Variants in BLTP1 observed in about 807,000 individuals in gnomAD.
The protein encoded by BLTP1 is bridge-like lipid transfer protein family member 1.
At chr4:122,230,247 G>C in the BLTP1 span, 17 of 1,563,628 alleles carry the variant, frequency 1.1e-5, no homozygotes, top group Non-Finnish European at 1.5e-5. Flanking sequence ...GTAGTCTCCT[G>C]TTCAGATGAA....
At chr4:122,238,022 G>A in the BLTP1 span, 3 of 1,396,578 alleles carry the variant, frequency 2.1e-6, no homozygotes, top group South Asian at 1.5e-5. Flanking sequence ...AAATGGATTA[G>A]ATTGCCATGT....
chr4:122,215,528 A>G, the BLTP1 span: 21 of 985,410 alleles, frequency 2.1e-5, no homozygotes, highest in East Asian at 2.3e-3. Flanking sequence ...GGGGCCATTT[A>G]CAGATGGAAG....
At chr4:122,207,514 C>CTTTTTTTTTTTT in the BLTP1 span, 630 of 1,286,788 alleles carry the variant, frequency 4.9e-4, 2 homozygotes, top group South Asian at 2.3e-3. Context: ...ACTTTTTCTT[C>CTTTTTTTTTTTT]TTTTTTTTTT....
At chr4:122,316,491 C>A in the BLTP1 span, 22 of 513,320 alleles carry the variant, frequency 4.3e-5, no homozygotes, top group Non-Finnish European at 7.0e-5. Flanking sequence ...AGATGTGGGG[C>A]TCCCCTCAGT....
At chr4:122,234,735 A>ATGT in the BLTP1 span, 1 of 1,536,182 alleles carries the variant, frequency 6.5e-7, no homozygotes, top group Non-Finnish European at 8.7e-7. Flanking sequence ...GATTTTTTTT[A>ATGT]TGTTGTTGTT....
the BLTP1 span, chr4:122,207,660 AT>A: frequency 6.6e-7 from 1 of 1,511,864 alleles, no homozygotes; most frequent in Non-Finnish European, 9.2e-7. Flanking sequence ...TGAATGCATT[AT>A]TTATTCCACA....
the BLTP1 span, chr4:122,207,733 C>A: frequency 9.1e-7 from 1 of 1,099,030 alleles, no homozygotes; most frequent in Non-Finnish European, 1.3e-6. Flanking sequence ...CAGTCCATTG[C>A]AACTTCAAAG....
At chr4:122,260,768 A>C in the BLTP1 span, among the ~76,000 whole-genome samples, 296 of 152,172 alleles carry the variant, frequency 1.9e-3, no homozygotes, top group African/African-American at 6.8e-3. Context: ...TGATGAGTCT[A>C]AGAACGTTCT....
At chr4:122,346,134 C>G in the BLTP1 span, 1 of 360,760 alleles carries the variant, frequency 2.8e-6, no homozygotes. Flanking sequence ...AATAGAAGAG[C>G]ACATACAACA....
chr4:122,211,751 T>C, the BLTP1 span, among the ~76,000 whole-genome samples: 1 of 152,284 alleles, frequency 6.6e-6, no homozygotes, highest in African/African-American at 2.4e-5. Flanking sequence ...TGTAGAATGA[T>C]TATGAAGAGA....
At chr4:122,187,487 C>T in the BLTP1 span, 1 of 1,612,008 alleles carries the variant, frequency 6.2e-7, no homozygotes, top group Non-Finnish European at 8.5e-7. Context: ...TCACTTATTC[C>T]AGTCATAAAG....
the BLTP1 span, among the ~76,000 whole-genome samples, chr4:122,348,116 A>G: frequency 1.3e-5 from 2 of 152,172 alleles, no homozygotes; most frequent in Admixed American, 1.3e-4. Flanking sequence ...TTAAAATATA[A>G]TGAGCAAATG....
the BLTP1 span, chr4:122,203,797 AAC>A: frequency 1.5e-5 from 8 of 520,538 alleles, no homozygotes; most frequent in Admixed American, 6.4e-5. Flanking sequence ...GAAAAAAACT[AAC>A]ACGATTTATT....
the BLTP1 span, among the ~76,000 whole-genome samples, chr4:122,218,499 A>G: frequency 2.0e-5 from 3 of 152,190 alleles, no homozygotes; most frequent in African/African-American, 7.2e-5. Flanking sequence ...ATTTCCTATG[A>G]AAAGATATTA....
At chr4:122,186,304 T>A in the BLTP1 span, 1 of 966,750 alleles carries the variant, frequency 1.0e-6, no homozygotes, top group Non-Finnish European at 1.4e-6. Flanking sequence ...GCTATGCACC[T>A]AAACAGAGCC....
chr4:122,248,083 C>A, the BLTP1 span: 20 of 985,142 alleles, frequency 2.0e-5, no homozygotes, highest in East Asian at 2.3e-3. Flanking sequence ...TTCCTGTCTG[C>A]ATTCTGGGTC....
chr4:122,226,855 A>G, the BLTP1 span: 1 of 1,558,326 alleles, frequency 6.4e-7, no homozygotes, highest in Non-Finnish European at 8.7e-7. Context: ...CAAATATGTT[A>G]GCAATATTAT....
At chr4:122,155,770 G>T in the BLTP1 span, among the ~76,000 whole-genome samples, 1 of 152,120 alleles carries the variant, frequency 6.6e-6, no homozygotes, top group Non-Finnish European at 1.5e-5. Context: ...AACTGTTTAG[G>T]TGATGAATTG....
the BLTP1 span, among the ~76,000 whole-genome samples, chr4:122,355,280 T>G: frequency 3.3e-5 from 5 of 152,248 alleles, no homozygotes; most frequent in East Asian, 9.7e-4. Context: ...CTCTATAGTT[T>G]AATCATAGCA....
Sources: allele counts gnomAD v4.1 joint callset (sites outside exome capture counted in the v4.1 genomes callset), GRCh38; gene constraint gnomAD v4.1.1; transcripts MANE v1.5; gene names NCBI Gene and HGNC (gene_info 2026-07-23, HGNC 2026-07-21).